CDH22: variants seen among roughly 807,000 people sequenced by gnomAD.
The protein encoded by CDH22 is cadherin 22.
A neutral mutation model predicts 58.4 loss-of-function variants in CDH22; 30 were observed. The observed-to-expected ratio is 0.51, with a 90% CI of 0.38 to 0.70. The LOEUF (loss-of-function observed/expected upper bound fraction) is 0.70. Among genes scored for constraint, CDH22 ranks in the 30% least tolerant of loss-of-function variants. The pLI is 0.00. For missense variants in CDH22, 1,014 were observed against 1,233.9 expected (o/e 0.82, Z 2.67); for synonymous variants, 513 against 558.2 (o/e 0.92, Z 1.14).
rs140209870 is a variant in CDH22 at position 46,213,093 on chromosome 20, T to C, written c.934A>G (p.Met312Val). The C allele has an allele frequency of 1.1e-5, 18 of 1,614,084 alleles. No homozygotes were observed. Among genetic ancestry groups the C allele is most frequent in the Non-Finnish European group, 1.5e-5 (18 of 1,180,024 alleles). The part of the protein sequence containing the change: ...EDSDVGENTD[M>V]TYHLKDESSS... ...CTCTCGTCCTTAAGGTGGTAAGTCA[T>C]GTCTGTGTTCTCTCCCACGTCTGAG... Residue 312 changes from methionine to valine, a missense_variant, in exon 6 of 12, where the codon ATG becomes GTG. Met to Val is a conservative substitution (Grantham distance 21). This residue lies in a region of CDH22 where 806 missense variants were observed against 1,038.7 expected (regional missense o/e 0.78). Coordinates refer to ENST00000537909, the MANE Select transcript of CDH22 (RefSeq NM_021248.3).
intron 5 of CDH22, among the ~76,000 whole-genome samples, chr20:46,215,838 T>C (rs1204727109): frequency 1.3e-5 from 2 of 152,178 alleles, no homozygotes; most frequent in African/African-American, 4.8e-5. Flanking sequence ...ATGCCACCCG[T>C]CTGCATGGGG....
intron 8 of CDH22, among the ~76,000 whole-genome samples, chr20:46,193,781 T>C (rs2085878472): frequency 6.6e-6 from 1 of 152,110 alleles, no homozygotes; most frequent in South Asian, 2.1e-4. Flanking sequence ...TGGGAACACC[T>C]GAATCCCCTT....
intron 2 of CDH22, among the ~76,000 whole-genome samples, chr20:46,245,632 G>A (rs918112617): frequency 1.3e-5 from 2 of 152,074 alleles, no homozygotes; most frequent in African/African-American, 4.8e-5. Flanking sequence ...CACCCAGCAC[G>A]GGGCACAGCA....
intron 7 of CDH22, among the ~76,000 whole-genome samples, chr20:46,206,496 G>A (rs761800875): frequency 3.9e-5 from 6 of 152,162 alleles, no homozygotes; most frequent in Non-Finnish European, 8.8e-5. Context: ...AAGTCTCCCA[G>A]GATGCCACCT....
At chr20:46,246,124 A>G (rs576754297) in intron 2 of CDH22, among the ~76,000 whole-genome samples, 1 of 152,368 alleles carries the variant, frequency 6.6e-6, no homozygotes, top group African/African-American at 2.4e-5. Flanking sequence ...TAATTAAATC[A>G]AAATTAAATG....
intron 1 of CDH22, among the ~76,000 whole-genome samples, chr20:46,302,481 G>A (rs1351475825): frequency 1.3e-5 from 2 of 152,200 alleles, no homozygotes; most frequent in Admixed American, 6.5e-5. Flanking sequence ...GGCAGGCAGT[G>A]AGAAAAGAAA....
At chr20:46,263,406 C>CTG (rs3081942) in intron 1 of CDH22, among the ~76,000 whole-genome samples, 49,706 of 150,362 alleles carry the variant, frequency 0.33, 8,676 homozygotes, top group Middle Eastern at 0.5. Context: ...GCCTTCCATT[C>CTG]TGTGTGTGTG....
chr20:46,213,253 G>C, intron 5 of CDH22, 65 bp from the exon 6 acceptor site: 2 of 1,313,878 alleles, frequency 1.5e-6, no homozygotes, highest in Non-Finnish European at 2.2e-6. Flanking sequence ...GCCAGCAGTG[G>C]GGGAGGGGAC....
Position 46,213,111 on chromosome 20 carries a change from C to T in CDH22, c.916G>A (p.Val306Met), listed in dbSNP as rs143440003. ...VGRVKAEDSDVGENTDMTYHL... is the reference protein window; with the variant it reads ...VGRVKAEDSDMGENTDMTYHL... ...TAAGTCATGTCTGTGTTCTCTCCCA[C>T]GTCTGAGTCCTCAGCCTTCACACGT... is the stretch of plus-strand genomic sequence containing the variant. The change falls in exon 6 of 12, where the codon GTG becomes ATG. Residue 306 changes from valine to methionine, a missense_variant. This residue lies in a region of CDH22 where 806 missense variants were observed against 1,038.7 expected (regional missense o/e 0.78). Transcript: ENST00000537909. 5.7e-4 allele frequency: 914 copies of T among 1,614,176 alleles called. 6 individuals are homozygous for T. The highest frequency in any genetic ancestry group is 4.8e-3 in the South Asian group (438 of 91,084).
At chr20:46,277,277 C>T (rs145866866) in intron 1 of CDH22, among the ~76,000 whole-genome samples, 172 of 152,160 alleles carry the variant, frequency 1.1e-3, no homozygotes, top group African/African-American at 3.9e-3. Flanking sequence ...GGTGTATGAA[C>T]CAAACGTTTT....
At chr20:46,223,015 A>G (rs1253350411) in intron 4 of CDH22, among the ~76,000 whole-genome samples, 1 of 152,224 alleles carries the variant, frequency 6.6e-6, no homozygotes, top group Non-Finnish European at 1.5e-5. Context: ...AGCTCTTGCC[A>G]TGGGGCTGTG....
intron 6 of CDH22, 26 bp downstream of exon 6, chr20:46,212,969 C>T (rs2086054758): frequency 1.9e-6 from 3 of 1,600,394 alleles, no homozygotes; most frequent in Non-Finnish European, 2.6e-6. Context: ...GGCCTGCCTC[C>T]CCCATTCCTC....
At chr20:46,219,180 C>T (rs1057188155) in intron 4 of CDH22, among the ~76,000 whole-genome samples, 3 of 152,148 alleles carry the variant, frequency 2.0e-5, no homozygotes, top group African/African-American at 7.2e-5. Context: ...AATGGGTGTT[C>T]TGCCTAATCA....
intron 7 of CDH22, among the ~76,000 whole-genome samples, chr20:46,200,286 C>A (rs1480366191): frequency 6.6e-6 from 1 of 151,084 alleles, no homozygotes; most frequent in East Asian, 2.0e-4. Flanking sequence ...TCTTTTCTTT[C>A]TTTCTTTAGC....
At chr20:46,302,882 C>T (rs2086658172) in intron 1 of CDH22, among the ~76,000 whole-genome samples, 1 of 152,192 alleles carries the variant, frequency 6.6e-6, no homozygotes, top group Non-Finnish European at 1.5e-5. Flanking sequence ...TTCTCTCCCC[C>T]ATGCCCAGGC....
chr20:46,223,727 C>T (rs55970356), intron 4 of CDH22, among the ~76,000 whole-genome samples: 15,079 of 111,212 alleles, frequency 0.14, 1,383 homozygotes, highest in Middle Eastern at 0.21. Context: ...TTCTTTCTTT[C>T]TCTTTCTTTC....
intron 7 of CDH22, among the ~76,000 whole-genome samples, chr20:46,202,273 G>A (rs1199385430): frequency 6.6e-6 from 1 of 152,016 alleles, no homozygotes; most frequent in African/African-American, 2.4e-5. Flanking sequence ...TAGTGATGCC[G>A]ATGCCCTGCT....
chr20:46,222,243 A>G (rs923512848), intron 4 of CDH22, among the ~76,000 whole-genome samples: 35 of 152,312 alleles, frequency 2.3e-4, no homozygotes, highest in Admixed American at 8.5e-4. Flanking sequence ...GCAGAAATCC[A>G]TGCTGGTCTT....
chr20:46,283,479 C>G (rs967548367), intron 1 of CDH22, among the ~76,000 whole-genome samples: 1 of 152,200 alleles, frequency 6.6e-6, no homozygotes, highest in African/African-American at 2.4e-5. Context: ...GATGCCTGCC[C>G]TCCATGGAAG....
Sources: allele counts gnomAD v4.1 joint callset (sites outside exome capture counted in the v4.1 genomes callset), GRCh38; gene constraint gnomAD v4.1.1; regional missense constraint gnomAD v4.1.1; transcripts MANE v1.5; gene names NCBI Gene and HGNC (gene_info 2026-07-23, HGNC 2026-07-21).